The following RBMS1 variants were observed in gnomAD, a reference collection of about 807,000 sequenced individuals.
RBMS1 encodes the protein RNA binding motif single stranded interacting protein 1.
A neutral mutation model predicts 62.3 loss-of-function variants in RBMS1; 17 were observed. The observed-to-expected ratio is 0.27, with a 90% CI of 0.19 to 0.41. The LOEUF (loss-of-function observed/expected upper bound fraction) is 0.41. Ranked by LOEUF, RBMS1 falls within the 10% of genes least tolerant of loss-of-function variation. The pLI is 1.00. For synonymous variants in RBMS1, 172 were observed against 170.0 expected (o/e 1.01, Z -0.09); for missense variants, 334 against 504.5 (o/e 0.66, Z 3.24).
At chr2:160,337,783 A>G (rs975368560) in intron 2 of RBMS1, among the ~76,000 whole-genome samples, 1 of 152,098 alleles carries the variant, frequency 6.6e-6, no homozygotes, top group Non-Finnish European at 1.5e-5. Flanking sequence ...ATTTAACCAC[A>G]TGATGTTAGG....
intron 1 of RBMS1, among the ~76,000 whole-genome samples, chr2:160,478,804 C>T (rs1355514701): frequency 6.6e-6 from 1 of 152,156 alleles, no homozygotes; most frequent in African/African-American, 2.4e-5. Context: ...CTTGTTGATG[C>T]CACCTACTGT....
chr2:160,313,397 C>T (rs1283431907), intron 3 of RBMS1, 150 bp from the exon 4 acceptor site: 2 of 625,846 alleles, frequency 3.2e-6, no homozygotes, highest in Non-Finnish European at 5.5e-6. Flanking sequence ...AGGCCAGTGG[C>T]CTCCTGGGCC....
At chr2:160,427,548 C>T (rs1269032091) in intron 1 of RBMS1, among the ~76,000 whole-genome samples, 2 of 137,576 alleles carry the variant, frequency 1.5e-5, no homozygotes, top group Non-Finnish European at 3.3e-5. Flanking sequence ...TATATTAATA[C>T]ATAGAGATTT....
At position 160,455,122 on chromosome 2, in the gene RBMS1, C is replaced by G. The variant is rs184079382; in HGVS notation, c.75+38167G>C. 1.1e-3 allele frequency among the ~76,000 whole-genome samples: 175 copies of G among 152,226 alleles called. 2 individuals are homozygous for G. The highest frequency in any genetic ancestry group is 3.8e-3 in the African/African-American group (158 of 41,538). On this transcript the variant is annotated intron_variant, in intron 1 of 13. Coordinates refer to ENST00000348849, the MANE Select transcript of RBMS1 (RefSeq NM_016836.4). ...TAAATGTTTAATCAGAACTATCATT[C>G]CAAAAAGTTTAAAGCCTCTTTTCAA...
chr2:160,396,948 A>C (rs1228670407), intron 1 of RBMS1, among the ~76,000 whole-genome samples: 1 of 152,140 alleles, frequency 6.6e-6, no homozygotes, highest in Non-Finnish European at 1.5e-5. Context: ...TCTTATCAGA[A>C]TCTCCATGCC....
intron 1 of RBMS1, among the ~76,000 whole-genome samples, chr2:160,426,229 G>GAA (rs1420658298): frequency 1.1e-5 from 1 of 93,220 alleles, no homozygotes; most frequent in East Asian, 2.8e-4. Context: ...AAGAAAGAAA[G>GAA]AAAGAAAGAA....
At chr2:160,383,536 C>A (rs1487088932) in intron 1 of RBMS1, among the ~76,000 whole-genome samples, 1 of 150,898 alleles carries the variant, frequency 6.6e-6, no homozygotes, top group African/African-American at 2.4e-5. Context: ...AATAAGTATA[C>A]AAAATGATGG....
chr2:160,291,129 G>A (rs778926871), intron 6 of RBMS1, among the ~76,000 whole-genome samples: 2 of 152,166 alleles, frequency 1.3e-5, no homozygotes, highest in African/African-American at 2.4e-5. Context: ...GGAAGGACTT[G>A]GAGCTCTCTA....
chr2:160,373,371 T>C (rs1693834391), intron 1 of RBMS1, among the ~76,000 whole-genome samples: 1 of 152,240 alleles, frequency 6.6e-6, no homozygotes, highest in African/African-American at 2.4e-5. Flanking sequence ...AGACTTGCAT[T>C]GTTGAATACA....
intron 10 of RBMS1, 131 bp downstream of exon 10, chr2:160,281,183 T>C (rs749671291): frequency 1.8e-4 from 95 of 538,906 alleles, no homozygotes; most frequent in Non-Finnish European, 2.6e-4. Flanking sequence ...TATAATGAAA[T>C]TGTACATTCT....
chr2:160,374,944 T>TG (rs929950416), intron 1 of RBMS1, among the ~76,000 whole-genome samples: 4 of 145,788 alleles, frequency 2.7e-5, no homozygotes, highest in African/African-American at 1.0e-4. Context: ...CGGGGGACGG[T>TG]GGGGGGGAGG....
rs1690973814 is a variant in RBMS1, at chr2:160,327,061, C to T, written c.252-8834G>A. Among the ~76,000 whole-genome samples, 4 of 152,354 alleles carry T rather than the reference C, an allele frequency of 2.6e-5. No individual in the cohort carries two copies. The South Asian group carries it at 8.3e-4, about 32-fold the overall frequency. On this transcript the variant is annotated intron_variant, in intron 2 of 13. Coordinates refer to ENST00000348849, the MANE Select transcript of RBMS1 (RefSeq NM_016836.4). ...CTCATGTGGTCTAACTCTCAGCTAG[C>T]CTAGCTGCCTTACAGCATGTGAGCT...
chr2:160,346,980 T>C (rs1559418694), intron 2 of RBMS1, among the ~76,000 whole-genome samples: 1 of 152,090 alleles, frequency 6.6e-6, no homozygotes, highest in Non-Finnish European at 1.5e-5. Context: ...TTTCCTTTTC[T>C]AGCAGTACTA....
chr2:160,461,109 G>A (rs1684441587), intron 1 of RBMS1, among the ~76,000 whole-genome samples: 1 of 152,046 alleles, frequency 6.6e-6, no homozygotes, highest in African/African-American at 2.4e-5. Flanking sequence ...AATTATCCAG[G>A]TATGGTGTTG....
At chr2:160,407,284 G>A (rs1695782370) in intron 1 of RBMS1, among the ~76,000 whole-genome samples, 1 of 152,062 alleles carries the variant, frequency 6.6e-6, no homozygotes, top group Non-Finnish European at 1.5e-5. Flanking sequence ...CCCGGGCGGC[G>A]GCGGCGAGGG....
At chr2:160,291,104 C>CA (rs1311821089) in intron 6 of RBMS1, among the ~76,000 whole-genome samples, 1 of 152,218 alleles carries the variant, frequency 6.6e-6, no homozygotes, top group East Asian at 1.9e-4. Context: ...GTCCTCCTCA[C>CA]TTATCAAACA....
chr2:160,486,383 GA>G (rs1685601972), intron 1 of RBMS1, among the ~76,000 whole-genome samples: 1 of 152,030 alleles, frequency 6.6e-6, no homozygotes, highest in Admixed American at 6.6e-5. Context: ...TCAACTTGTA[GA>G]AGAAACACCT....
At chr2:160,456,786 A>G (rs535895068) in intron 1 of RBMS1, among the ~76,000 whole-genome samples, 5 of 152,162 alleles carry the variant, frequency 3.3e-5, no homozygotes, top group East Asian at 1.9e-4. Flanking sequence ...CCTTCTTCCA[A>G]TTTGGCTTCT....
At chr2:160,378,869 C>T (rs912461168) in intron 1 of RBMS1, among the ~76,000 whole-genome samples, 1 of 152,142 alleles carries the variant, frequency 6.6e-6, no homozygotes, top group Non-Finnish European at 1.5e-5. Flanking sequence ...TTGCTTCTTC[C>T]TAAAGCTTCA....
Sources: allele counts gnomAD v4.1 joint callset (sites outside exome capture counted in the v4.1 genomes callset), GRCh38; gene constraint gnomAD v4.1.1; transcripts MANE v1.5; gene names NCBI Gene and HGNC (gene_info 2026-07-23, HGNC 2026-07-21).